Variants in TEF observed in about 807,000 individuals in gnomAD.
TEF encodes TEF transcription factor, PAR bZIP family member.
TEF carries 3 observed loss-of-function variants against 20.8 expected under a neutral mutation model. That is an observed-to-expected ratio of 0.14 (90% CI 0.07 to 0.37). TEF has a LOEUF of 0.37. Ranked by LOEUF, TEF falls within the 10% of genes least tolerant of loss-of-function variation. The pLI is 1.00. For missense variants in TEF, 296 were observed against 397.9 expected (o/e 0.74, Z 2.18); for synonymous variants, 180 against 171.1 (o/e 1.05, Z -0.41).
In TEF at chr22:41,387,983, CTTTTTTTTTTTTTTTT is replaced by C. The variant is rs530707936; in HGVS notation, c.475+332_475+347del. Among the ~76,000 whole-genome samples the C allele has an allele frequency of 2.6e-4, 13 of 50,078 alleles. No homozygotes were observed. The East Asian group carries it at 2.6e-3, about 10-fold the overall frequency. The allele number at this position is 50,078 out of a possible 152,430, so 32.9% of individuals were successfully genotyped here. A position where few individuals can be genotyped will look rare whatever the true frequency, so the allele number is the denominator to read the frequency against. The stretch of plus-strand genomic sequence containing the variant: ...CATTCTGCATTTCCTCAATGCTGCT[CTTTTTTTTTTTTTTTT>C]TTTTTTTTTTTTTTTTGAGAAGGAG... On this transcript the variant is annotated intron_variant, in intron 2 of 3. Coordinates refer to ENST00000266304, the MANE Select transcript of TEF (RefSeq NM_003216.4).
chr22:41,384,755 CT>C (rs907013385), intron 1 of TEF, among the ~76,000 whole-genome samples: 3 of 151,640 alleles, frequency 2.0e-5, no homozygotes, highest in East Asian at 1.9e-4. Flanking sequence ...TGTAAAGACA[CT>C]TTTTTTTTCT....
At chr22:41,382,324 G>A (rs1193014329) in intron 1 of TEF, 123 bp downstream of exon 1, 1 of 903,074 alleles carries the variant, frequency 1.1e-6, no homozygotes, top group Non-Finnish European at 1.5e-6. Context: ...GGGGGATGGG[G>A]CCTGGATGAC....
chr22:41,367,994 T>C (rs1378935419), intron 1 of TEF, among the ~76,000 whole-genome samples: 1 of 152,164 alleles, frequency 6.6e-6, no homozygotes, highest in Non-Finnish European at 1.5e-5. Context: ...AGCAGGAGCC[T>C]GGGTCTGAAG....
chr22:41,381,662 GC>G (rs1468673890), upstream of TEF, among the ~76,000 whole-genome samples: 4 of 152,058 alleles, frequency 2.6e-5, 1 homozygote, highest in Admixed American at 1.3e-4. Flanking sequence ...GCCGAGGAAG[GC>G]CCACCACAAA....
At chr22:41,385,537 G>A (rs2037087663) in intron 1 of TEF, among the ~76,000 whole-genome samples, 3 of 152,260 alleles carry the variant, frequency 2.0e-5, no homozygotes, top group Non-Finnish European at 4.4e-5. Context: ...AAGCATAACT[G>A]GAGGGAACAG....
intron 1 of TEF, among the ~76,000 whole-genome samples, chr22:41,372,045 G>A (rs972442709): frequency 2.0e-5 from 3 of 152,208 alleles, no homozygotes; most frequent in Non-Finnish European, 1.5e-5. Context: ...GAGCAAAACT[G>A]AGAAATCGAG....
upstream of TEF, chr22:41,381,935 C>A (rs2037030729): frequency 8.2e-7 from 1 of 1,225,968 alleles, no homozygotes; most frequent in African/African-American, 1.6e-5. Context: ...CGCCATTGGG[C>A]GCCTGCGCAG....
chr22:41,387,253 C>T (rs1406245673), intron 1 of TEF, 98 bp from the exon 2 acceptor site: 6 of 1,341,482 alleles, frequency 4.5e-6, no homozygotes, highest in Non-Finnish European at 6.2e-6. Context: ...AATCGGGGCT[C>T]TGAGAAAGAT....
upstream of TEF, among the ~76,000 whole-genome samples, chr22:41,381,582 G>C (rs1222452217): frequency 6.6e-6 from 1 of 152,242 alleles, no homozygotes; most frequent in Non-Finnish European, 1.5e-5. Context: ...AGAGGCTGCG[G>C]TGGTTGGGGA....
At chr22:41,375,173 C>A (rs114331901) in intron 1 of TEF, among the ~76,000 whole-genome samples, 98 of 152,308 alleles carry the variant, frequency 6.4e-4, no homozygotes, top group African/African-American at 2.3e-3. Context: ...GCAGACCAAG[C>A]CCTGGTAGCG....
intron 1 of TEF, chr22:41,383,056 G>C: frequency 2.1e-6 from 1 of 470,852 alleles, no homozygotes; most frequent in Non-Finnish European, 4.4e-6. Flanking sequence ...CTGTGGTGGG[G>C]TTGTGGGTGC....
intron 1 of TEF, chr22:41,383,095 T>C (rs1237127772): frequency 6.5e-6 from 3 of 463,692 alleles, no homozygotes; most frequent in Non-Finnish European, 1.3e-5. Context: ...TGTGAGACCT[T>C]TGCATTTCCA....
upstream of TEF, among the ~76,000 whole-genome samples, chr22:41,378,964 G>A (rs1341909109): frequency 2.0e-5 from 3 of 152,216 alleles, no homozygotes; most frequent in Non-Finnish European, 4.4e-5. Flanking sequence ...TAATGGATAT[G>A]CCAACCAGTT....
chr22:41,387,582 G>A lies in TEF; in HGVS notation c.389G>A (p.Gly130Glu), dbSNP rs779800400. The A allele has an allele frequency of 4.3e-6, 7 of 1,614,066 alleles. No homozygotes were observed. In the South Asian group the frequency reaches 5.5e-5, roughly 13 times the overall value. Residue 130 changes from glycine (G) to glutamate (E), a missense_variant, in exon 2 of 4, where the codon GGG (glycine) becomes GAG (glutamate). This residue lies in a region of TEF where 194 missense variants were observed against 317.8 expected (regional missense o/e 0.61). Transcript: ENST00000266304. ...CTGCTGCCTGTAGCAGAGCTAGAAG[G>A]GAAGGAGTCTGCCAGCTCTTCCACA... Reference protein sequence around the residue: ...NLLLPVAELEGKESASSSTAS... With the variant: ...NLLLPVAELEEKESASSSTAS...
chr22:41,369,230 G>T (rs767129091), intron 1 of TEF: 26 of 985,334 alleles, frequency 2.6e-5, no homozygotes, highest in Non-Finnish European at 3.1e-5. Context: ...CAGCTGGTCT[G>T]TGGGGCCCTG....
upstream of TEF, among the ~76,000 whole-genome samples, chr22:41,379,106 G>A (rs1383129908): frequency 1.3e-5 from 2 of 151,828 alleles, no homozygotes; most frequent in African/African-American, 4.8e-5. Flanking sequence ...TTTGGGAGAC[G>A]CGGGTGGATC....
In TEF at chr22:41,394,443, T is replaced by G. The variant is rs181462483; in HGVS notation, c.696+127T>G. The G allele has an allele frequency of 6.4e-5, 60 of 932,340 alleles. No homozygotes were observed. In the East Asian group the frequency reaches 1.6e-3, roughly 24 times the overall value. The allele number at this position is 932,340 out of a possible 1,614,324, so 57.8% of individuals were successfully genotyped here. A position where few individuals can be genotyped will look rare whatever the true frequency, so the allele number is the denominator to read the frequency against. ...GTGACACCATTTGGAAAGACATGAG[T>G]TTAGTGCTTAAAGCCATATCCTTCA... On this transcript the variant is annotated intron_variant, in intron 3 of 3. Coordinates refer to ENST00000266304, the MANE Select transcript of TEF (RefSeq NM_003216.4).
At chr22:41,378,828 AAAGGTGTTT>A (rs1369733459), upstream of TEF, among the ~76,000 whole-genome samples, 6 of 152,174 alleles carry the variant, frequency 3.9e-5, no homozygotes, top group African/African-American at 1.4e-4. Flanking sequence ...AGCTTCCCCT[AAAGGTGTTT>A]AAGTTTCGCC....
intron 1 of TEF, among the ~76,000 whole-genome samples, chr22:41,368,362 G>A (rs1004334206): frequency 3.3e-5 from 5 of 152,102 alleles, no homozygotes; most frequent in Admixed American, 6.5e-5. Context: ...GCTGGCTTTT[G>A]CTGCCTGAGT....
Sources: allele counts gnomAD v4.1 joint callset (sites outside exome capture counted in the v4.1 genomes callset), GRCh38; gene constraint gnomAD v4.1.1; regional missense constraint gnomAD v4.1.1; transcripts MANE v1.5; gene names NCBI Gene and HGNC (gene_info 2026-07-23, HGNC 2026-07-21).